The following GPR89B variants were observed in gnomAD, a reference collection of about 807,000 sequenced individuals.
The protein encoded by GPR89B is golgi pH regulator B, also known as G protein-coupled receptor 89B.
A neutral mutation model predicts 52.4 loss-of-function variants in GPR89B; 25 were observed. The ratio of observed to expected loss-of-function variants is 0.48; its 90% CI spans 0.35 to 0.67. The LOEUF is 0.67. GPR89B is among the 30% of genes least tolerant of loss of function. The probability of loss-of-function intolerance (pLI) is 0.01; values close to 1 mark genes in which losing one functional copy is unlikely to be tolerated. For missense variants in GPR89B, 146 were observed against 450.2 expected (o/e 0.32, Z 6.11); for synonymous variants, 52 against 151.2 (o/e 0.34, Z 4.81).
chr1:148,015,378 C>G, the GPR89B span, among the ~76,000 whole-genome samples: 10,467 of 137,384 alleles, frequency 0.076, 589 homozygotes, highest in African/African-American at 0.15. Flanking sequence ...GCAGTGGCGC[C>G]ATCTCGGCTC....
At chr1:148,017,047 C>A in the GPR89B span, among the ~76,000 whole-genome samples, 2 of 151,116 alleles carry the variant, frequency 1.3e-5, no homozygotes, top group African/African-American at 4.9e-5. Flanking sequence ...CTTTCTTTTT[C>A]TTTTTCTTTT....
chr1:147,956,982 G>C (rs1656165896), intron 7 of GPR89B, among the ~76,000 whole-genome samples: 1 of 151,762 alleles, frequency 6.6e-6, no homozygotes, highest in Non-Finnish European at 1.5e-5. Context: ...CAAGTGATCT[G>C]CCCACCTTGG....
At chr1:147,941,565 T>A (rs1654562214) in intron 3 of GPR89B, among the ~76,000 whole-genome samples, 1 of 150,900 alleles carries the variant, frequency 6.6e-6, no homozygotes. Context: ...CTGAAACATA[T>A]TTCTCTTGAA....
chr1:147,949,302 G>GAC (rs1655303412), intron 5 of GPR89B, among the ~76,000 whole-genome samples: 1 of 150,696 alleles, frequency 6.6e-6, no homozygotes, highest in African/African-American at 2.5e-5. Flanking sequence ...GGTGGTGGCT[G>GAC]GGCAGAGGGG....
chr1:148,015,161 A>C, the GPR89B span, among the ~76,000 whole-genome samples: 2 of 149,690 alleles, frequency 1.3e-5, no homozygotes, highest in Admixed American at 1.3e-4. Context: ...AAAATGCTTA[A>C]ACCGCTGGCA....
intron 5 of GPR89B, among the ~76,000 whole-genome samples, chr1:147,948,179 C>T (rs28491909): frequency 1.3e-5 from 2 of 151,778 alleles, no homozygotes; most frequent in African/African-American, 4.8e-5. Flanking sequence ...TCCACCCTTT[C>T]TGAGACAGGG....
At chr1:147,962,616 G>T (rs1320108098) in intron 7 of GPR89B, among the ~76,000 whole-genome samples, 1 of 151,870 alleles carries the variant, frequency 6.6e-6, no homozygotes, top group Non-Finnish European at 1.5e-5. Context: ...ATTAAAACAC[G>T]CCAGGCGCGG....
intron 5 of GPR89B, among the ~76,000 whole-genome samples, chr1:147,948,327 T>C (rs1553250135): frequency 6.6e-6 from 1 of 151,594 alleles, no homozygotes; most frequent in Non-Finnish European, 1.5e-5. Context: ...AAAGTAATCG[T>C]ATAGTGTATA....
rs1420435238 is a variant in GPR89B, at chr1:147,973,784, G to A, written c.909+3825G>A. Among the ~76,000 whole-genome samples, 5 of 151,830 alleles carry A rather than the reference G, an allele frequency of 3.3e-5. No individual in the cohort carries two copies. In the East Asian group the frequency reaches 9.6e-4, roughly 29 times the overall value. ...TGGTATTGCCTAGATTTTCTTCTAG[G>A]TTTTTTATAGTTTGGGGTTTTACAT... On this transcript the variant is annotated intron_variant, in intron 10 of 13. Transcript: ENST00000314163.
chr1:147,984,644 G>A (rs1397331207), intron 10 of GPR89B, among the ~76,000 whole-genome samples: 3 of 149,442 alleles, frequency 2.0e-5, no homozygotes, highest in Non-Finnish European at 4.4e-5. Context: ...GCTGATATAG[G>A]GGTTTTAATG....
intron 10 of GPR89B, among the ~76,000 whole-genome samples, chr1:147,975,358 A>T (rs1402101177): frequency 1.4e-5 from 2 of 143,636 alleles, no homozygotes; most frequent in African/African-American, 5.1e-5. Flanking sequence ...TTATGGGTCT[A>T]TTCAGGGATT....
chr1:147,949,794 G>A (rs1553250598), intron 5 of GPR89B, among the ~76,000 whole-genome samples: 2 of 146,142 alleles, frequency 1.4e-5, no homozygotes, highest in African/African-American at 5.3e-5. Context: ...GGCCGGGCAG[G>A]GGGCTGACCC....
the GPR89B span, chr1:148,024,405 CT>C: frequency 7.6e-6 from 1 of 131,724 alleles, no homozygotes; most frequent in Non-Finnish European, 1.6e-5. Context: ...ACAATAGTAA[CT>C]GAGTAGAACT....
At chr1:147,996,124 G>A (rs1477801463), downstream of GPR89B, among the ~76,000 whole-genome samples, 6 of 152,070 alleles carry the variant, frequency 3.9e-5, no homozygotes, top group African/African-American at 1.5e-4. Flanking sequence ...TATGTCTTCT[G>A]GGATGAAGGG....
chr1:147,930,841 C>T (rs1389247205), intron 1 of GPR89B, among the ~76,000 whole-genome samples: 3 of 152,106 alleles, frequency 2.0e-5, no homozygotes, highest in Admixed American at 6.5e-5. Flanking sequence ...AGTTCCCTAA[C>T]CTGGCCATGC....
intron 5 of GPR89B, among the ~76,000 whole-genome samples, chr1:147,953,001 T>C (rs2149058574): frequency 6.6e-6 from 1 of 151,904 alleles, no homozygotes; most frequent in Non-Finnish European, 1.5e-5. Context: ...TTCTTAGTTT[T>C]TTTTTTTTTT....
the GPR89B span, among the ~76,000 whole-genome samples, chr1:148,006,581 C>T: frequency 9.2e-5 from 14 of 152,192 alleles, no homozygotes; most frequent in Middle Eastern, 3.4e-3. Context: ...TACATACCTA[C>T]GATAGAGTTT....
chr1:148,014,212 G>C, the GPR89B span, among the ~76,000 whole-genome samples: 17 of 151,534 alleles, frequency 1.1e-4, no homozygotes, highest in Admixed American at 1.1e-3. Context: ...TTGGGGAGTC[G>C]TGTGCAGGTC....
chr1:147,955,536 G>T (rs1213409552), intron 7 of GPR89B, among the ~76,000 whole-genome samples: 1 of 151,888 alleles, frequency 6.6e-6, no homozygotes, highest in Non-Finnish European at 1.5e-5. Flanking sequence ...ATGTAATAGG[G>T]TTTCCTTTTC....
Sources: gnomAD v4.1 joint callset for allele counts (sites outside exome capture counted in the v4.1 genomes callset) on GRCh38, gnomAD v4.1.1 for gene constraint, MANE v1.5 for transcripts, NCBI Gene and HGNC (gene_info 2026-07-23, HGNC 2026-07-21) for gene names.